PIEZO1: variants seen among roughly 807,000 people sequenced by gnomAD.
PIEZO1 encodes the protein piezo type mechanosensitive ion channel component 1 (Er blood group).
A neutral mutation model predicts 297.2 loss-of-function variants in PIEZO1; 296 were observed. The observed-to-expected ratio is 1.00, with a 90% confidence interval of 0.91 to 1.10. The LOEUF is 1.10. PIEZO1 is among the 50% of genes least tolerant of loss of function. The pLI is 0.00. For synonymous variants in PIEZO1, 2,427 were observed against 1,507.5 expected, an observed-to-expected ratio of 1.61 and a Z score of -14.13; for missense variants, 5,018 against 3,455.5, an observed-to-expected ratio of 1.45 and a Z score of -11.34.
At chr16:88,720,787 G>T (rs1178070536) in intron 39 of PIEZO1, 39 bp from the exon 40 acceptor site, 2 of 1,452,442 alleles carry the variant, frequency 1.4e-6, no homozygotes. Flanking sequence ...GCCCCCTGGG[G>T]ACTGGGCCTG....
At chr16:88,751,775 T>C (rs1418792048) in intron 1 of PIEZO1, among the ~76,000 whole-genome samples, 4 of 152,044 alleles carry the variant, frequency 2.6e-5, no homozygotes, top group Non-Finnish European at 5.9e-5. Flanking sequence ...AGCTGCACTT[T>C]TCAGCCGGGT....
rs117061995 is a variant in PIEZO1 at position 88,777,676 on chromosome 16, C to A, written c.64+7225G>T. ...CGGTACTTTAACCATAAACAGAAAT[C>A]AAGTAAATGAGGGAGCGAGGGCCGC... On this transcript the variant is annotated intron_variant, in intron 1 of 50. Coordinates refer to ENST00000301015, the MANE Select transcript of PIEZO1 (RefSeq NM_001142864.4). Among the ~76,000 whole-genome samples, 13 of 152,316 alleles carry A rather than the reference C, an allele frequency of 8.5e-5. No individual in the cohort carries two copies. In the East Asian group the frequency reaches 2.5e-3, roughly 29 times the overall value.
At chr16:88,757,048 C>T (rs1463458771) in intron 1 of PIEZO1, among the ~76,000 whole-genome samples, 1 of 152,146 alleles carries the variant, frequency 6.6e-6, no homozygotes, top group Non-Finnish European at 1.5e-5. Flanking sequence ...TGCACTCCAG[C>T]CTGGGCGACA....
chr16:88,742,556 G>T, intron 2 of PIEZO1, 134 bp from the exon 3 acceptor site: 1 of 901,244 alleles, frequency 1.1e-6, no homozygotes, highest in Non-Finnish European at 1.6e-6. Context: ...ATGGACTCAG[G>T]ACCCCATCAG....
chr16:88,740,950 G>C (rs1373745233), intron 5 of PIEZO1: 1 of 153,080 alleles, frequency 6.5e-6, no homozygotes, highest in Non-Finnish European at 1.5e-5. Context: ...ATAGCTCAGA[G>C]ATTCCCGGGG....
rs867939295 is a variant in PIEZO1, at chr16:88,735,180, C to T, written c.1624G>A (p.Ala542Thr). ...QFVKEKLLKW[A>T]ESPAALTEVT... ...TCCGTCAGCGCAGCTGGAGACTCTG[C>T]CCACTTCAGCAGCTTCTCTTTCACA... The change falls in exon 13 of 51, where the codon GCA becomes ACA. Residue 542 changes from alanine (A) to threonine (T), a missense_variant. Physicochemically the swap from Ala to Thr is moderately conservative, Grantham distance 58. Transcript: ENST00000301015. 7.1e-6 allele frequency: 11 copies of T among 1,550,256 alleles called. No homozygotes were observed. The Admixed American group carries it at 7.8e-5, about 11-fold the overall frequency.
chr16:88,782,060 G>C (rs931843473), intron 1 of PIEZO1, among the ~76,000 whole-genome samples: 1 of 152,262 alleles, frequency 6.6e-6, no homozygotes, highest in Admixed American at 6.5e-5. Context: ...ATTTCCCACT[G>C]ATAGAACTGG....
At position 88,722,877 on chromosome 16, in the gene PIEZO1, A is replaced by G; in HGVS notation, c.4628T>C (p.Leu1543Pro). The G allele has an allele frequency of 2.6e-6, 4 of 1,548,606 alleles. No homozygotes were observed. The highest frequency in any genetic ancestry group is 3.5e-6 in the Non-Finnish European group (4 of 1,146,798). The part of the protein sequence containing the change: ...TRHHGTMSDV[L>P]RAERYLLTQE... The stretch of plus-strand genomic sequence containing the variant: ...TGTGAGGAGGTAGCGCTCTGCCCGC[A>G]GCACGTCGCTCATGGTGCCGTGGTG... Residue 1543 changes from leucine (L) to proline (P), a missense_variant, in exon 34 of 51, where the codon CTG (leucine) becomes CCG (proline). Physicochemically the swap from Leu to Pro is moderately conservative, Grantham distance 98. Transcript: ENST00000301015.
chr16:88,728,108 A>T (rs1317682976), intron 22 of PIEZO1, among the ~76,000 whole-genome samples: 1 of 152,210 alleles, frequency 6.6e-6, no homozygotes, highest in African/African-American at 2.4e-5. Context: ...GCCTAGACAG[A>T]CCTCAGTGTG....
intron 31 of PIEZO1, 143 bp downstream of exon 31, chr16:88,723,728 C>T (rs1307985306): frequency 1.3e-5 from 8 of 611,666 alleles, no homozygotes; most frequent in Non-Finnish European, 2.0e-5. Flanking sequence ...CTTGGGAGGC[C>T]TGGATGGGGC....
Position 88,725,009 on chromosome 16 carries a change from C to T in PIEZO1, c.4234G>A (p.Val1412Ile). 6.8e-7 allele frequency: 1 copy of T among 1,481,474 alleles called. No individual in the cohort carries two copies. Among genetic ancestry groups the T allele is most frequent in the Admixed American group, 2.6e-5 (1 of 38,200 alleles). The allele number at this position is 1,481,474 out of a possible 1,614,324, so 91.8% of individuals were successfully genotyped here. A position where few individuals can be genotyped will look rare whatever the true frequency, so the allele number is the denominator to read the frequency against. The change falls in exon 30 of 51, where the codon GTC becomes ATC. Residue 1412 changes from valine (V) to isoleucine (I), a missense_variant and splice_region_variant. Val to Ile is a conservative substitution (Grantham distance 29). Transcript: ENST00000301015. Reference sequence around the variant, plus strand: ...CCACAGGCGGCCTAATTGGGGGTACCTGTGGCGTGGTCCAGCCAGGGCCGC... The same window carrying T: ...CCACAGGCGGCCTAATTGGGGGTACTTGTGGCGTGGTCCAGCCAGGGCCGC... ...WWRPWLDHAT[V>I]IHSGDYFLFE...
rs1597454688 is a variant in PIEZO1, at chr16:88,731,922, A to AGGGGGCGGGGCGTGGG, written c.2992-13_2992-12insCCCACGCCCCGCCCCC. On this transcript the variant is annotated splice_polypyrimidine_tract_variant and intron_variant, in intron 21 of 50. Transcript: ENST00000301015. ...ATCAGGAAGCAGATCTGGGGAGGGG[A>AGGGGGCGGGGCGTGGG]GAGGGCGGGGTGTGGGGATGCACTG... 5.3e-6 allele frequency: 2 copies of AGGGGGCGGGGCGTGGG among 376,430 alleles called. No individual in the cohort carries two copies. The highest frequency in any genetic ancestry group is 1.3e-4 in the Admixed American group (1 of 7,934). 23.3% of individuals were successfully genotyped at this position (376,430 alleles called of 1,614,324 possible).
chr16:88,752,498 G>A (rs1491001571), intron 1 of PIEZO1, among the ~76,000 whole-genome samples: 1 of 152,262 alleles, frequency 6.6e-6, no homozygotes, highest in African/African-American at 2.4e-5. Context: ...AAGCTTTATG[G>A]ATGTATATTT....
At chr16:88,775,283 A>G (rs115694095) in intron 1 of PIEZO1, among the ~76,000 whole-genome samples, 7,031 of 152,294 alleles carry the variant, frequency 0.046, 546 homozygotes, top group African/African-American at 0.16. Context: ...GGGCAGACCT[A>G]GCGGCCAGTA....
intron 1 of PIEZO1, among the ~76,000 whole-genome samples, chr16:88,757,180 T>C (rs1465693559): frequency 6.6e-6 from 1 of 152,072 alleles, no homozygotes; most frequent in Non-Finnish European, 1.5e-5. Flanking sequence ...AGACTCCAGG[T>C]TAGACCACCT....
chr16:88,750,435 G>C (rs1486179119), intron 1 of PIEZO1, among the ~76,000 whole-genome samples: 1 of 152,260 alleles, frequency 6.6e-6, no homozygotes, highest in Non-Finnish European at 1.5e-5. Flanking sequence ...CGCGCCTTCA[G>C]CCCAAATGCT....
At chr16:88,724,623 G>A (rs1403417011) in intron 30 of PIEZO1, among the ~76,000 whole-genome samples, 5 of 152,070 alleles carry the variant, frequency 3.3e-5, no homozygotes, top group African/African-American at 1.2e-4. Flanking sequence ...GAACCCGGGA[G>A]GTAGAGATTG....
chr16:88,720,737 T>G lies in PIEZO1; in HGVS notation c.5680A>C (p.Arg1894=), dbSNP rs1338167175. The change falls in exon 40 of 51, where the codon AGG becomes CGG. Residue 1894 remains arginine, a synonymous_variant. Transcript: ENST00000301015. ...TCTTCCTCCCCCTCTTCTTCCTCCC[T>G]GTCCTCAGCTTCTGTAGGGAAAAGC... The part of the protein sequence containing the change: ...KGAAAIEAED[R]EEEEGEEEKE... 6.6e-7 allele frequency: 1 copy of G among 1,504,370 alleles called. No homozygotes were observed. The highest frequency in any genetic ancestry group is 2.4e-5 in the Admixed American group (1 of 41,892). 93.2% of individuals were successfully genotyped at this position (1,504,370 alleles called of 1,614,324 possible). A position where few individuals can be genotyped will look rare whatever the true frequency, so the allele number is the denominator to read the frequency against.
At position 88,732,362 on chromosome 16, in the gene PIEZO1, G is replaced by A. The variant is rs1429644231; in HGVS notation, c.2964C>T (p.Asn988=). 23 of 1,549,642 alleles carry A rather than the reference G, an allele frequency of 1.5e-5. No individual in the cohort carries two copies. The highest frequency in any genetic ancestry group is 1.8e-5 in the Non-Finnish European group (21 of 1,146,438). ...DLLGCLKYFI[N]FFFYKFGLEI... The stretch of plus-strand genomic sequence containing the variant: ...CCAGCCCGAATTTGTAGAAGAAGAA[G>A]TTGATGAAGTACTTGAGGCAGCCGA... The change falls in exon 21 of 51, where the codon AAC becomes AAT. Residue 988 remains asparagine (N), a synonymous_variant. Transcript: ENST00000301015.
Sources: allele counts gnomAD v4.1 joint callset (sites outside exome capture counted in the v4.1 genomes callset), GRCh38; gene constraint gnomAD v4.1.1; transcripts MANE v1.5; gene names NCBI Gene and HGNC (gene_info 2026-07-23, HGNC 2026-07-21).